C12orf76: variants seen among roughly 807,000 people sequenced by gnomAD.
C12orf76 encodes chromosome 12 open reading frame 76.
C12orf76 carries 6 observed loss-of-function variants against 6.8 expected under a neutral mutation model. The observed-to-expected ratio is 0.88, with a 90% CI of 0.48 to 1.73. The LOEUF (loss-of-function observed/expected upper bound fraction) is 1.73, where lower values mean the gene tolerates loss of function less well. C12orf76 is among the 40% of genes most tolerant of loss of function. C12orf76 has a pLI of 0.01. For missense variants in C12orf76, 99 were observed against 98.2 expected (o/e 1.01, Z -0.03); for synonymous variants, 56 against 43.7 (o/e 1.28, Z -1.11).
chr12:110,064,841 G>A (rs1892832250), intron 2 of C12orf76, among the ~76,000 whole-genome samples: 1 of 152,174 alleles, frequency 6.6e-6, no homozygotes, highest in African/African-American at 2.4e-5. Context: ...TCCAGTGCAG[G>A]GTGGGAGGCT....
At chr12:110,068,244 AAGAAAGAAGAAG>A (rs1892900727), upstream of C12orf76, among the ~76,000 whole-genome samples, 1 of 136,550 alleles carries the variant, frequency 7.3e-6, no homozygotes, top group Non-Finnish European at 1.5e-5. Context: ...GAAGAAGAAG[AAGAAAGAAGAAG>A]AAGAAGAAGA....
chr12:110,068,320 A>T (rs894558846), upstream of C12orf76, among the ~76,000 whole-genome samples: 1 of 138,658 alleles, frequency 7.2e-6, no homozygotes, highest in African/African-American at 2.6e-5. Flanking sequence ...GAAGAAGAAG[A>T]AGAAGAAGAA....
At chr12:110,062,792 T>A (rs1010248752) in intron 2 of C12orf76, among the ~76,000 whole-genome samples, 1 of 135,620 alleles carries the variant, frequency 7.4e-6, no homozygotes, top group African/African-American at 2.8e-5. Context: ...GCTAATATTT[T>A]TTTTTTTTTT....
chr12:110,057,746 C>G (rs150534850), intron 3 of C12orf76, among the ~76,000 whole-genome samples: 1 of 151,998 alleles, frequency 6.6e-6, no homozygotes, highest in East Asian at 1.9e-4. Context: ...GGGTAAAAAT[C>G]AAGGGCTAAA....
intron 2 of C12orf76, among the ~76,000 whole-genome samples, chr12:110,063,386 C>T (rs1015367558): frequency 6.6e-6 from 1 of 151,578 alleles, no homozygotes; most frequent in African/African-American, 2.4e-5. Context: ...CGGGGTCAAG[C>T]GATTTTCCTG....
chr12:110,073,558 T>C, exon 1 of C12orf76: 1 of 507,234 alleles, frequency 2.0e-6, no homozygotes, highest in Non-Finnish European at 3.9e-6. Flanking sequence ...ACAGCCTCCC[T>C]TCCTGCGCGG....
upstream of C12orf76, chr12:110,051,065 C>T (rs187583547): frequency 4.4e-5 from 34 of 780,252 alleles, no homozygotes; most frequent in Non-Finnish European, 6.9e-5. Flanking sequence ...TCTTTCTCCA[C>T]GATCTCCTCT....
intron 3 of C12orf76, among the ~76,000 whole-genome samples, chr12:110,057,942 T>C (rs1261351438): frequency 6.6e-6 from 1 of 151,284 alleles, no homozygotes; most frequent in Non-Finnish European, 1.5e-5. Context: ...TGGGCGCCTA[T>C]AATCCCAGCT....
At chr12:110,070,375 G>A (rs1487586376), upstream of C12orf76, among the ~76,000 whole-genome samples, 1 of 152,088 alleles carries the variant, frequency 6.6e-6, no homozygotes, top group Admixed American at 6.6e-5. Context: ...ACCAGCCTGG[G>A]CAACATAAGG....
chr12:110,057,724 G>C (rs1892694344), intron 3 of C12orf76, among the ~76,000 whole-genome samples: 1 of 152,044 alleles, frequency 6.6e-6, no homozygotes, highest in African/African-American at 2.4e-5. Context: ...GATTCCTAAA[G>C]TCAGTCTAAC....
chr12:110,062,501 G>A (rs1251864840), intron 2 of C12orf76, among the ~76,000 whole-genome samples: 1 of 152,012 alleles, frequency 6.6e-6, no homozygotes, highest in Admixed American at 6.6e-5. Flanking sequence ...ACTGGATCAC[G>A]GTAATGGTTG....
At chr12:110,051,538 T>G (rs1327853096), upstream of C12orf76, among the ~76,000 whole-genome samples, 1 of 152,080 alleles carries the variant, frequency 6.6e-6, no homozygotes, top group East Asian at 1.9e-4. Flanking sequence ...GCGATTCTCC[T>G]GCCTCAGCAT....
At chr12:110,048,554 C>A, upstream of C12orf76, 1 of 1,351,198 alleles carries the variant, frequency 7.4e-7, no homozygotes, top group Non-Finnish European at 9.5e-7. Flanking sequence ...GCCTCTGTCT[C>A]CTCCCAGGTC....
chr12:110,047,595 G>A (rs1892483295), intron 1 of C12orf76, among the ~76,000 whole-genome samples: 2 of 151,778 alleles, frequency 1.3e-5, no homozygotes, highest in Non-Finnish European at 2.9e-5. Flanking sequence ...GAGGTGGCAG[G>A]ATCACTTAAA....
chr12:110,045,534 C>G (rs564800598), intron 1 of C12orf76, among the ~76,000 whole-genome samples: 26 of 152,000 alleles, frequency 1.7e-4, no homozygotes, highest in Non-Finnish European at 3.4e-4. Flanking sequence ...TGCAGTGAGC[C>G]AAGATCGCGC....
chr12:110,057,006 G>C (rs1231592634), intron 4 of C12orf76: 1 of 599,116 alleles, frequency 1.7e-6, no homozygotes, highest in Admixed American at 2.9e-5. Context: ...TCACAGGCAA[G>C]TCTGGATGAG....
chr12:110,046,213 G>A (rs930059161), intron 1 of C12orf76, among the ~76,000 whole-genome samples: 5 of 151,794 alleles, frequency 3.3e-5, no homozygotes, highest in African/African-American at 1.2e-4. Flanking sequence ...AGTTCATGAG[G>A]TCAAGAGATC....
chr12:110,055,575 C>T (rs543360312), intron 4 of C12orf76, among the ~76,000 whole-genome samples: 3 of 152,028 alleles, frequency 2.0e-5, no homozygotes, highest in African/African-American at 4.8e-5. Context: ...TAGACAGAGC[C>T]GATTCATCAA....
intron 1 of C12orf76, among the ~76,000 whole-genome samples, chr12:110,066,286 G>T (rs149453822): frequency 0.084 from 11,544 of 137,354 alleles, 468 homozygotes; most frequent in Middle Eastern, 0.11. Flanking sequence ...GCAGAATCAC[G>T]TGAATCCAGG....
Sources: allele counts gnomAD v4.1 joint callset (sites outside exome capture counted in the v4.1 genomes callset), GRCh38; gene constraint gnomAD v4.1.1; transcripts MANE v1.5; gene names NCBI Gene and HGNC (gene_info 2026-07-23, HGNC 2026-07-21).